The following CRTC1 variants were observed in gnomAD, a reference collection of about 807,000 sequenced individuals.
CRTC1 encodes CREB-regulated transcription coactivator 1.
Under a neutral mutation model 66.1 loss-of-function variants are expected in CRTC1, and 18 were observed. That is an observed-to-expected ratio of 0.27 (90% CI 0.19 to 0.40). CRTC1 has a LOEUF of 0.40. Ranked by LOEUF, CRTC1 falls within the 10% of genes least tolerant of loss-of-function variation. The pLI is 1.00. For missense variants in CRTC1, 669 were observed against 887.9 expected (o/e 0.75, Z 3.13); for synonymous variants, 416 against 398.8 (o/e 1.04, Z -0.51).
chr19:18,690,561 G>A (rs929729822), intron 1 of CRTC1, among the ~76,000 whole-genome samples: 10 of 152,186 alleles, frequency 6.6e-5, no homozygotes, highest in African/African-American at 2.4e-4. Context: ...ATGCCCTGCA[G>A]CAGGCTGAGT....
chr19:18,746,523 CG>C (rs1284767290), intron 3 of CRTC1, among the ~76,000 whole-genome samples: 1 of 151,216 alleles, frequency 6.6e-6, no homozygotes, highest in Non-Finnish European at 1.5e-5. Flanking sequence ...CTCAGCCAGC[CG>C]GGCCCCACAA....
intron 6 of CRTC1, among the ~76,000 whole-genome samples, chr19:18,756,352 A>AAG (rs1555786054): frequency 3.3e-5 from 5 of 149,724 alleles, no homozygotes; most frequent in Non-Finnish European, 4.4e-5. Flanking sequence ...AAAAAAAAAA[A>AAG]AAACTCTAGG....
At chr19:18,725,378 GCTCT>G (rs2053725895) in intron 1 of CRTC1, among the ~76,000 whole-genome samples, 1 of 152,148 alleles carries the variant, frequency 6.6e-6, no homozygotes, top group Non-Finnish European at 1.5e-5. Flanking sequence ...CAGAATCCTT[GCTCT>G]CTGTCATCGC....
At chr19:18,746,484 C>T (rs909633939) in intron 3 of CRTC1, among the ~76,000 whole-genome samples, 20 of 147,928 alleles carry the variant, frequency 1.4e-4, no homozygotes, top group Non-Finnish European at 1.8e-4. Context: ...GAGTCCCCCC[C>T]TCCCCCCCAA....
chr19:18,745,798 C>A, intron 2 of CRTC1, 25 bp from the exon 3 acceptor site: 1 of 1,613,394 alleles, frequency 6.2e-7, no homozygotes, highest in South Asian at 1.1e-5. Context: ...TTCTCTCTCT[C>A]TGTTTCCATC....
In CRTC1 at chr19:18,782,189, G is replaced by C. The variant is rs2055116485; in HGVS notation, c.*4807G>C. The C allele has an allele frequency of 4.3e-6, 1 of 230,220 alleles. No homozygotes were observed. Among genetic ancestry groups the C allele is most frequent in the South Asian group, 1.7e-4 (1 of 5,794 alleles). 14.3% of individuals were successfully genotyped at this position (230,220 alleles called of 1,614,324 possible). On this transcript the variant is annotated 3_prime_UTR_variant, in exon 14 of 14. Coordinates refer to ENST00000321949, the MANE Select transcript of CRTC1 (RefSeq NM_015321.3). ...CTGCCACGGACGTCCCGTGGGCCAT[G>C]ATTGTGGGCGGCCGCAGCGGGCGGG...
chr19:18,739,442 G>A (rs778001986), intron 1 of CRTC1, among the ~76,000 whole-genome samples: 9 of 152,272 alleles, frequency 5.9e-5, no homozygotes, highest in Non-Finnish European at 1.3e-4. Context: ...ACAGCCTCCA[G>A]ACGGGCCTGT....
chr19:18,715,190 T>C (rs892815577), intron 1 of CRTC1, among the ~76,000 whole-genome samples: 1 of 152,200 alleles, frequency 6.6e-6, no homozygotes, highest in Non-Finnish European at 1.5e-5. Context: ...CTGCCTGTCT[T>C]CACATGGCCT....
chr19:18,775,543 C>T, intron 12 of CRTC1, 98 bp from the exon 13 acceptor site: 1 of 1,126,258 alleles, frequency 8.9e-7, no homozygotes, highest in Non-Finnish European at 1.2e-6. Context: ...ACAGAGTCCC[C>T]AGCTGCGGGC....
At chr19:18,740,832 T>A (rs2054095409) in intron 1 of CRTC1, among the ~76,000 whole-genome samples, 1 of 151,796 alleles carries the variant, frequency 6.6e-6, no homozygotes, top group African/African-American at 2.4e-5. Flanking sequence ...GGTGAAAAAC[T>A]CTGTCTCTAC....
intron 1 of CRTC1, among the ~76,000 whole-genome samples, chr19:18,726,414 A>G (rs1263177781): frequency 6.6e-6 from 1 of 152,242 alleles, no homozygotes; most frequent in Non-Finnish European, 1.5e-5. Context: ...GGTGAGAGCC[A>G]TGGGCATCTG....
intron 1 of CRTC1, among the ~76,000 whole-genome samples, chr19:18,735,243 G>C (rs78626425): frequency 0.22 from 33,479 of 152,178 alleles, 3,884 homozygotes; most frequent in East Asian, 0.3. Context: ...CCCCAGGGCT[G>C]GGCAGAGGCC....
Position 18,778,738 on chromosome 19 carries a change from A to G in CRTC1, c.*1356A>G, listed in dbSNP as rs1200854880. The G allele has an allele frequency of 1.3e-5, 3 of 230,960 alleles. No homozygotes were observed. Among genetic ancestry groups the G allele is most frequent in the African/African-American group, 4.4e-5 (2 of 45,228 alleles). The allele number at this position is 230,960 out of a possible 1,614,324, so 14.3% of individuals were successfully genotyped here. On this transcript the variant is annotated 3_prime_UTR_variant, in exon 14 of 14. Coordinates refer to ENST00000321949, the MANE Select transcript of CRTC1 (RefSeq NM_015321.3). ...GCAGCTGAGACCTCTCTGCCCCAAGAGTGTGGGGGACTGGCAGGGAGCGAG... is the reference window on the plus strand; with the variant it reads ...GCAGCTGAGACCTCTCTGCCCCAAGGGTGTGGGGGACTGGCAGGGAGCGAG...
intron 1 of CRTC1, among the ~76,000 whole-genome samples, chr19:18,712,184 C>T (rs976226697): frequency 6.6e-6 from 1 of 151,924 alleles, no homozygotes; most frequent in Admixed American, 6.6e-5. Flanking sequence ...GGGCTCAAGC[C>T]GTCCTCCTGC....
intron 1 of CRTC1, among the ~76,000 whole-genome samples, chr19:18,686,679 T>C (rs932518418): frequency 6.6e-6 from 1 of 152,190 alleles, no homozygotes; most frequent in South Asian, 2.1e-4. Context: ...TCTGAAGATA[T>C]GCAGGTGGCA....
intron 1 of CRTC1, among the ~76,000 whole-genome samples, chr19:18,740,556 A>G (rs2054089675): frequency 1.3e-5 from 2 of 152,224 alleles, no homozygotes; most frequent in South Asian, 4.1e-4. Context: ...CCAAGGCCTC[A>G]GGCACACAAT....
chr19:18,695,583 C>T (rs186813551), intron 1 of CRTC1, among the ~76,000 whole-genome samples: 2 of 151,626 alleles, frequency 1.3e-5, no homozygotes, highest in Non-Finnish European at 2.9e-5. Context: ...ACAGTACACA[C>T]GGCCGGGTGT....
chr19:18,693,974 A>G (rs1333666028), intron 1 of CRTC1, among the ~76,000 whole-genome samples: 1 of 151,984 alleles, frequency 6.6e-6, no homozygotes, highest in Non-Finnish European at 1.5e-5. Flanking sequence ...CTCTACTAAA[A>G]TACAAAAATT....
At position 18,780,148 on chromosome 19, in the gene CRTC1, C is replaced by T. The variant is rs897270374; in HGVS notation, c.*2766C>T. 1.3e-5 allele frequency: 3 copies of T among 231,686 alleles called. No individual in the cohort carries two copies. Among genetic ancestry groups the T allele is most frequent in the South Asian group, 1.8e-4 (1 of 5,514 alleles). 14.4% of individuals were successfully genotyped at this position (231,686 alleles called of 1,614,324 possible). Reference sequence around the variant, plus strand: ...GGGGCAGGCCCACGTGGGGAGGTTGCGCCGTGTACATAGACCCGCCGTCTG... The same window carrying T: ...GGGGCAGGCCCACGTGGGGAGGTTGTGCCGTGTACATAGACCCGCCGTCTG... On this transcript the variant is annotated 3_prime_UTR_variant, in exon 14 of 14. Coordinates refer to ENST00000321949, the MANE Select transcript of CRTC1 (RefSeq NM_015321.3).
Sources: gnomAD v4.1 joint callset for allele counts (sites outside exome capture counted in the v4.1 genomes callset) on GRCh38, gnomAD v4.1.1 for gene constraint, MANE v1.5 for transcripts, NCBI Gene and HGNC (gene_info 2026-07-23, HGNC 2026-07-21) for gene names.